Variants in TNRC6A observed in about 807,000 individuals in gnomAD.
The protein encoded by TNRC6A is trinucleotide repeat-containing gene 6A protein.
Under a neutral mutation model 221.2 loss-of-function variants are expected in TNRC6A, and 44 were observed. That is an observed-to-expected ratio of 0.20 (90% CI 0.16 to 0.26). TNRC6A has a LOEUF of 0.26. Ranked by LOEUF, TNRC6A falls within the 10% of genes least tolerant of loss-of-function variation. The probability of loss-of-function intolerance (pLI) is 1.00; values close to 1 mark genes in which losing one functional copy is unlikely to be tolerated. For missense variants in TNRC6A, 2,199 were observed against 2,404.4 expected (o/e 0.91, Z 1.79); for synonymous variants, 847 against 838.5 (o/e 1.01, Z -0.18).
intron 4 of TNRC6A, among the ~76,000 whole-genome samples, chr16:24,767,731 C>G (rs1309095247): frequency 6.6e-6 from 1 of 152,144 alleles, no homozygotes; most frequent in Non-Finnish European, 1.5e-5. Flanking sequence ...AAAAAATCAA[C>G]TAACCATTCT....
intron 4 of TNRC6A, among the ~76,000 whole-genome samples, chr16:24,772,438 G>A (rs916575704): frequency 6.6e-6 from 1 of 151,838 alleles, no homozygotes; most frequent in Non-Finnish European, 1.5e-5. Flanking sequence ...AGTGAGCCAA[G>A]ATCCAAGATC....
chr16:24,805,490 C>G, intron 14 of TNRC6A, 115 bp from the exon 15 acceptor site: 2 of 1,398,990 alleles, frequency 1.4e-6, no homozygotes, highest in Non-Finnish European at 2.0e-6. Flanking sequence ...AGACTATAAC[C>G]CCCAATGAAT....
chr16:24,616,209 C>T (rs749687430), intron 1 of TNRC6A, among the ~76,000 whole-genome samples: 1 of 151,394 alleles, frequency 6.6e-6, no homozygotes, highest in Non-Finnish European at 1.5e-5. Flanking sequence ...ACCTGTAATC[C>T]CAGCTACTCA....
intron 2 of TNRC6A, chr16:24,663,939 G>T (rs147366417): frequency 2.2e-6 from 1 of 456,712 alleles, no homozygotes; most frequent in Non-Finnish European, 4.4e-6. Context: ...TGCAGGAACA[G>T]GTGAAGAGCC....
intron 18 of TNRC6A, among the ~76,000 whole-genome samples, chr16:24,813,983 C>T (rs182747295): frequency 2.0e-5 from 3 of 152,298 alleles, no homozygotes; most frequent in East Asian, 1.9e-4. Flanking sequence ...ATTTATGTCC[C>T]ATTTCACTCC....
At chr16:24,632,746 C>T (rs1431596084) in intron 1 of TNRC6A, among the ~76,000 whole-genome samples, 3 of 152,166 alleles carry the variant, frequency 2.0e-5, no homozygotes, top group Admixed American at 6.5e-5. Flanking sequence ...CAGTGGCTTT[C>T]GCTGGTAATC....
intron 3 of TNRC6A, among the ~76,000 whole-genome samples, chr16:24,756,168 T>G (rs1456466058): frequency 6.6e-6 from 1 of 152,210 alleles, no homozygotes; most frequent in Non-Finnish European, 1.5e-5. Flanking sequence ...AGGCATCTTG[T>G]GTTCTTTTAA....
chr16:24,644,081 ATTTTTTTTTT>A (rs748251760), intron 2 of TNRC6A, among the ~76,000 whole-genome samples: 1 of 81,560 alleles, frequency 1.2e-5, no homozygotes, highest in Non-Finnish European at 2.1e-5. Flanking sequence ...CTTATCTTTA[ATTTTTTTTTT>A]TTTTTTTTTT....
intron 2 of TNRC6A, among the ~76,000 whole-genome samples, chr16:24,713,278 C>T (rs1283843955): frequency 4.6e-5 from 7 of 151,878 alleles, no homozygotes; most frequent in Admixed American, 4.6e-4. Flanking sequence ...ATCAGCTGAG[C>T]ATGATGGCAG....
At chr16:24,769,382 T>TA (rs1177616432) in intron 4 of TNRC6A, among the ~76,000 whole-genome samples, 1 of 152,060 alleles carries the variant, frequency 6.6e-6, no homozygotes, top group Non-Finnish European at 1.5e-5. Context: ...TCTTAAAAGT[T>TA]TAACTTGTTC....
At chr16:24,795,711 A>G in intron 8 of TNRC6A, 196 bp from the exon 9 acceptor site, 1 of 466,702 alleles carries the variant, frequency 2.1e-6, no homozygotes, top group South Asian at 5.7e-5. Flanking sequence ...TACATGTTTT[A>G]CATAAGTCAT....
intron 1 of TNRC6A, among the ~76,000 whole-genome samples, chr16:24,632,941 G>A (rs1054343877): frequency 3.3e-5 from 5 of 151,660 alleles, no homozygotes; most frequent in Admixed American, 2.0e-4. Context: ...TCTGGGAGGC[G>A]GAGGTTGCAG....
intron 11 of TNRC6A, chr16:24,803,961 C>G: frequency 2.1e-6 from 1 of 482,870 alleles, no homozygotes; most frequent in Non-Finnish European, 3.6e-6. Context: ...TAGTCTATTT[C>G]AAGTTAATTA....
chr16:24,767,654 G>T (rs762516523), intron 4 of TNRC6A, among the ~76,000 whole-genome samples: 1 of 152,088 alleles, frequency 6.6e-6, no homozygotes, highest in East Asian at 1.9e-4. Context: ...GCATTTTATA[G>T]TATTAATTGT....
At chr16:24,755,521 G>C (rs2057232507) in intron 3 of TNRC6A, among the ~76,000 whole-genome samples, 1 of 152,240 alleles carries the variant, frequency 6.6e-6, no homozygotes, top group Non-Finnish European at 1.5e-5. Flanking sequence ...ACTCTGAGGT[G>C]GGTGTTTTTG....
intron 2 of TNRC6A, among the ~76,000 whole-genome samples, chr16:24,749,180 G>T (rs1596607210): frequency 1.3e-5 from 2 of 152,200 alleles, no homozygotes; most frequent in African/African-American, 4.8e-5. Flanking sequence ...AGACTTTAGG[G>T]TGATGACTAC....
intron 5 of TNRC6A, among the ~76,000 whole-genome samples, chr16:24,780,150 C>T (rs1469810477): frequency 1.3e-5 from 2 of 152,150 alleles, no homozygotes; most frequent in Non-Finnish European, 2.9e-5. Flanking sequence ...TTTTTATCCA[C>T]CTGACATGAT....
intron 18 of TNRC6A, among the ~76,000 whole-genome samples, chr16:24,812,877 C>CTTTT (rs71383720): frequency 0.018 from 1,373 of 75,000 alleles, 67 homozygotes; most frequent in Non-Finnish European, 0.023. Context: ...ACCTCTTGGG[C>CTTTT]TTTTTTTTTT....
At chr16:24,782,714 A>G (rs182756517) in intron 5 of TNRC6A, among the ~76,000 whole-genome samples, 4 of 152,056 alleles carry the variant, frequency 2.6e-5, no homozygotes, top group East Asian at 3.9e-4. Context: ...CCTCTCTACT[A>G]AAAATACAAA....
Sources: gnomAD v4.1 joint callset for allele counts (sites outside exome capture counted in the v4.1 genomes callset) on GRCh38, gnomAD v4.1.1 for gene constraint, MANE v1.5 for transcripts, NCBI Gene and HGNC (gene_info 2026-07-23, HGNC 2026-07-21) for gene names.